The following RIT2 variants were observed in gnomAD, a reference collection of about 807,000 sequenced individuals.
RIT2 encodes the protein Ras like without CAAX 2.
In RIT2, 24 loss-of-function variants were observed where a neutral mutation model predicts 23.7. The ratio of observed to expected loss-of-function variants is 1.01; its 90% CI spans 0.73 to 1.43. The LOEUF (loss-of-function observed/expected upper bound fraction) is 1.43, where lower values mean the gene tolerates loss of function less well. Among genes scored for constraint, RIT2 ranks in the 40% most tolerant of loss-of-function variants. RIT2 has a pLI of 0.00. For missense variants in RIT2, 236 were observed against 266.9 expected (o/e 0.88, Z 0.81); for synonymous variants, 107 against 91.1 (o/e 1.17, Z -0.99).
intron 1 of RIT2, among the ~76,000 whole-genome samples, chr18:43,085,520 C>A (rs1322240757): frequency 6.6e-6 from 1 of 152,150 alleles, no homozygotes; most frequent in Admixed American, 6.5e-5. Context: ...TTCCTACCAG[C>A]CTCTGGTAAT....
chr18:42,934,389 A>G (rs1909402992), intron 3 of RIT2, among the ~76,000 whole-genome samples: 2 of 152,194 alleles, frequency 1.3e-5, no homozygotes, highest in African/African-American at 4.8e-5. Context: ...TTGCATATTC[A>G]ACTACATTGG....
chr18:42,836,964 G>A (rs1260781103), intron 4 of RIT2, among the ~76,000 whole-genome samples: 2 of 151,868 alleles, frequency 1.3e-5, no homozygotes, highest in Non-Finnish European at 2.9e-5. Context: ...GTTCACTAAT[G>A]CATAATTTTT....
chr18:42,998,352 A>G (rs1301796502), intron 2 of RIT2, among the ~76,000 whole-genome samples: 1 of 152,176 alleles, frequency 6.6e-6, no homozygotes, highest in African/African-American at 2.4e-5. Context: ...GCTCATAAGT[A>G]GAGATGCCTA....
chr18:43,012,583 CATTTT>C (rs1465739872), intron 2 of RIT2, among the ~76,000 whole-genome samples: 1 of 151,514 alleles, frequency 6.6e-6, no homozygotes, highest in Non-Finnish European at 1.5e-5. Context: ...TCTCTATACT[CATTTT>C]ATTGGTTTTT....
At chr18:43,055,934 A>G (rs75184405) in intron 1 of RIT2, among the ~76,000 whole-genome samples, 7,158 of 152,178 alleles carry the variant, frequency 0.047, 398 homozygotes, top group East Asian at 0.25. Flanking sequence ...GTTACGGGTT[A>G]GCAATAGCAA....
intron 4 of RIT2, among the ~76,000 whole-genome samples, chr18:42,781,198 A>ACTATG (rs10651056): frequency 6.6e-6 from 1 of 152,014 alleles, no homozygotes; most frequent in Non-Finnish European, 1.5e-5. Context: ...TATGTATTGT[A>ACTATG]TAAGGAGTAA....
chr18:43,105,258 G>A (rs1454533404), intron 1 of RIT2, among the ~76,000 whole-genome samples: 3 of 152,008 alleles, frequency 2.0e-5, no homozygotes, highest in Non-Finnish European at 4.4e-5. Context: ...GGAGACCAAA[G>A]CAGAAACTAA....
At chr18:43,023,009 A>G (rs1459636225) in intron 2 of RIT2, among the ~76,000 whole-genome samples, 1 of 152,076 alleles carries the variant, frequency 6.6e-6, no homozygotes, top group Non-Finnish European at 1.5e-5. Flanking sequence ...TGCAGTCTTT[A>G]TTGCAAGACC....
chr18:42,828,023 A>G (rs1295178643), intron 4 of RIT2, among the ~76,000 whole-genome samples: 2 of 151,270 alleles, frequency 1.3e-5, no homozygotes, highest in African/African-American at 4.8e-5. Flanking sequence ...AAAAAAAAAA[A>G]AAAAGAAAAA....
At chr18:42,845,658 C>T (rs1366264559) in intron 4 of RIT2, among the ~76,000 whole-genome samples, 2 of 149,184 alleles carry the variant, frequency 1.3e-5, no homozygotes, top group Admixed American at 6.7e-5. Context: ...AGAAATATTA[C>T]ATAAATATTA....
intron 2 of RIT2, among the ~76,000 whole-genome samples, chr18:43,000,072 T>C (rs1911069431): frequency 6.6e-6 from 1 of 152,124 alleles, no homozygotes; most frequent in East Asian, 1.9e-4. Flanking sequence ...GTGCTTCATA[T>C]AGGTGATTGA....
intron 2 of RIT2, among the ~76,000 whole-genome samples, chr18:43,023,400 A>C (rs538997677): frequency 3.3e-5 from 5 of 152,196 alleles, no homozygotes; most frequent in African/African-American, 1.2e-4. Context: ...AGAAGAGCAC[A>C]AAGTCTAGAT....
In RIT2 at chr18:42,923,873, T is replaced by C. The variant is rs1909117604; in HGVS notation, c.235-110A>G. 3 of 877,670 alleles carry C rather than the reference T, an allele frequency of 3.4e-6. No individual in the cohort carries two copies. In the African/African-American group the frequency reaches 5.1e-5, roughly 15 times the overall value. 54.4% of individuals were successfully genotyped at this position (877,670 alleles called of 1,614,324 possible). A position where few individuals can be genotyped will look rare whatever the true frequency, so the allele number is the denominator to read the frequency against. On this transcript the variant is annotated intron_variant, in intron 3 of 4. Coordinates refer to ENST00000326695, the MANE Select transcript of RIT2 (RefSeq NM_002930.4). ...TGAATGTTTTAAACTATTAAGAATA[T>C]TGATATTTAATCATAGGAGATTTCA...
At chr18:43,032,569 GA>G (rs1320507914) in intron 2 of RIT2, among the ~76,000 whole-genome samples, 13 of 152,044 alleles carry the variant, frequency 8.6e-5, no homozygotes, top group African/African-American at 3.1e-4. Context: ...AATGGACTTA[GA>G]GAATTACCAA....
At chr18:42,989,314 T>A (rs1910786055) in intron 2 of RIT2, among the ~76,000 whole-genome samples, 1 of 152,180 alleles carries the variant, frequency 6.6e-6, no homozygotes, top group Admixed American at 6.5e-5. Context: ...GGGCTGGGAC[T>A]GGGATTCTGT....
At chr18:42,997,284 TTTA>T (rs1911006908) in intron 2 of RIT2, among the ~76,000 whole-genome samples, 1 of 152,160 alleles carries the variant, frequency 6.6e-6, no homozygotes, top group South Asian at 2.1e-4. Context: ...ATTTTTGTTT[TTTA>T]TTTTTTTCCT....
rs990410708 is a variant in RIT2, at chr18:43,059,047, G to T, written c.104-25180C>A. 7.9e-5 allele frequency among the ~76,000 whole-genome samples: 12 copies of T among 151,950 alleles called. 1 individual carries two copies. The highest frequency in any genetic ancestry group is 3.9e-4 in the Admixed American group (6 of 15,238). ...CCACACCAAAAACGAGCTTGCACAGGGGCTGTCGGCTTGAAGAATGTATGG... is the reference window on the plus strand; with the variant it reads ...CCACACCAAAAACGAGCTTGCACAGTGGCTGTCGGCTTGAAGAATGTATGG... On this transcript the variant is annotated intron_variant, in intron 1 of 4. Coordinates refer to ENST00000326695, the MANE Select transcript of RIT2 (RefSeq NM_002930.4).
intron 3 of RIT2, among the ~76,000 whole-genome samples, chr18:42,958,986 A>G (rs1319167057): frequency 1.3e-5 from 2 of 152,156 alleles, no homozygotes; most frequent in Non-Finnish European, 2.9e-5. Flanking sequence ...TGAACTCAAG[A>G]TCATGTCTTA....
At chr18:42,841,132 A>AATG (rs1299156135) in intron 4 of RIT2, among the ~76,000 whole-genome samples, 1 of 152,170 alleles carries the variant, frequency 6.6e-6, no homozygotes, top group Non-Finnish European at 1.5e-5. Context: ...AGAAAGAATG[A>AATG]ATGATGTCAA....
Sources: gnomAD v4.1 joint callset for allele counts (sites outside exome capture counted in the v4.1 genomes callset) on GRCh38, gnomAD v4.1.1 for gene constraint, MANE v1.5 for transcripts, NCBI Gene and HGNC (gene_info 2026-07-23, HGNC 2026-07-21) for gene names.